Variants in DAB1 observed in about 807,000 individuals in gnomAD.
DAB1 encodes DAB adaptor protein 1.
DAB1 carries 15 observed loss-of-function variants against 64.6 expected under a neutral mutation model. The ratio of observed to expected loss-of-function variants is 0.23; its 90% CI spans 0.16 to 0.36. The LOEUF is 0.36. DAB1 is among the 10% of genes least tolerant of loss of function. The pLI, the probability that DAB1 is intolerant of heterozygous loss-of-function variation, is 1.00. For missense variants in DAB1, 596 were observed against 706.7 expected, an observed-to-expected ratio of 0.84 and a Z score of 1.78; for synonymous variants, 235 against 251.9, an observed-to-expected ratio of 0.93 and a Z score of 0.64.
At chr1:57,970,124 G>A (rs184781206) in intron 5 of DAB1, among the ~76,000 whole-genome samples, 3 of 152,280 alleles carry the variant, frequency 2.0e-5, no homozygotes, top group Admixed American at 6.5e-5. Flanking sequence ...AAATCAGATG[G>A]TGCCTTGATC....
intron 7 of DAB1, among the ~76,000 whole-genome samples, chr1:57,498,765 G>C (rs1231051830): frequency 6.6e-6 from 1 of 152,210 alleles, no homozygotes; most frequent in African/African-American, 2.4e-5. Flanking sequence ...GCTGGTGGGA[G>C]ATGTGAGGGT....
chr1:57,467,135 CT>C (rs1200711099), intron 7 of DAB1, among the ~76,000 whole-genome samples: 7 of 152,216 alleles, frequency 4.6e-5, no homozygotes, highest in African/African-American at 1.7e-4. Flanking sequence ...ACTGAGGAGC[CT>C]TTAAAGATAC....
intron 5 of DAB1, among the ~76,000 whole-genome samples, chr1:58,059,925 C>T (rs1416333672): frequency 6.6e-6 from 1 of 152,214 alleles, no homozygotes; most frequent in East Asian, 1.9e-4. Flanking sequence ...GCAACGATCA[C>T]AGCACTGACA....
At chr1:57,129,355 G>A (rs977975884) in intron 4 of DAB1, among the ~76,000 whole-genome samples, 21 of 151,820 alleles carry the variant, frequency 1.4e-4, no homozygotes, top group Non-Finnish European at 2.9e-5. Context: ...TTAAAATCCC[G>A]TATCATCCAA....
At chr1:58,037,293 C>A (rs1647059215) in intron 5 of DAB1, among the ~76,000 whole-genome samples, 1 of 152,244 alleles carries the variant, frequency 6.6e-6, no homozygotes, top group East Asian at 1.9e-4. Context: ...AATGCTCTTA[C>A]TCCCTTTTTC....
At chr1:57,525,626 A>G (rs1644581776) in intron 7 of DAB1, among the ~76,000 whole-genome samples, 2 of 152,164 alleles carry the variant, frequency 1.3e-5, no homozygotes, top group South Asian at 4.1e-4. Flanking sequence ...AGAAGTGGGG[A>G]TAGTGATAGA....
intron 9 of DAB1, among the ~76,000 whole-genome samples, chr1:57,046,752 T>C (rs1648548367): frequency 6.6e-6 from 1 of 152,244 alleles, no homozygotes; most frequent in East Asian, 1.9e-4. Flanking sequence ...TGATCTGATT[T>C]ATGTCTACCA....
rs1042727034 is a variant in DAB1 at position 57,676,561 on chromosome 1, C to T, written n.552-26896G>A. ...AAGGCCCTTGCCCCTGAGAACTCAA[C>T]CATCTAGCTGGGAAAAGAAGAGGGC... On this transcript the variant is annotated intron_variant and non_coding_transcript_variant, in intron 6 of 20. Coordinates refer to the DAB1 transcript ENST00000485760. 1.3e-4 allele frequency among the ~76,000 whole-genome samples: 20 copies of T among 152,288 alleles called. No homozygotes were observed. The Middle Eastern group carries it at 0.01, about 78-fold the overall frequency.
At chr1:57,471,527 C>T (rs1322645770) in intron 7 of DAB1, among the ~76,000 whole-genome samples, 1 of 152,100 alleles carries the variant, frequency 6.6e-6, no homozygotes, top group Non-Finnish European at 1.5e-5. Flanking sequence ...GCAGGAGGGA[C>T]CTTGTAGGAG....
chr1:58,176,707 C>T (rs4912309), intron 4 of DAB1, among the ~76,000 whole-genome samples: 2,686 of 152,230 alleles, frequency 0.018, 71 homozygotes, highest in South Asian at 0.099. Context: ...CAGCCGGGCG[C>T]GGTGGCTCAC....
intron 7 of DAB1, among the ~76,000 whole-genome samples, chr1:57,458,054 C>G (rs1686661654): frequency 6.6e-6 from 1 of 152,112 alleles, no homozygotes; most frequent in Non-Finnish European, 1.5e-5. Context: ...TTTATCTTGC[C>G]TCCTTAATAA....
At chr1:58,171,716 C>A (rs186811890) in intron 4 of DAB1, among the ~76,000 whole-genome samples, 29 of 152,348 alleles carry the variant, frequency 1.9e-4, no homozygotes, top group African/African-American at 7.0e-4. Context: ...TGGCCAGGCA[C>A]TGGCCCAAGA....
At chr1:58,383,769 C>A (rs755949966) in intron 3 of DAB1, among the ~76,000 whole-genome samples, 8 of 152,280 alleles carry the variant, frequency 5.3e-5, no homozygotes, top group Non-Finnish European at 1.0e-4. Context: ...AATTAATCTT[C>A]CCTTTCATCT....
intron 12 of DAB1, 91 bp downstream of exon 12, chr1:57,014,792 G>A (rs1646370173): frequency 9.5e-7 from 1 of 1,051,568 alleles, no homozygotes; most frequent in Non-Finnish European, 1.4e-6. Context: ...ATTAATGCAA[G>A]TGAGATGAGT....
chr1:58,213,261 CT>C (rs1658659940), intron 4 of DAB1, among the ~76,000 whole-genome samples: 1 of 152,242 alleles, frequency 6.6e-6, no homozygotes, highest in South Asian at 2.1e-4. Flanking sequence ...TCTTTGAGGT[CT>C]ATTCCAATCC....
chr1:58,493,431 A>G (rs1246543335), intron 3 of DAB1, among the ~76,000 whole-genome samples: 3 of 152,090 alleles, frequency 2.0e-5, no homozygotes, highest in Non-Finnish European at 4.4e-5. Context: ...ATCAGGCAAG[A>G]GAAAGAAATA....
intron 2 of DAB1, among the ~76,000 whole-genome samples, chr1:57,181,511 A>G (rs946934016): frequency 2.0e-5 from 3 of 152,324 alleles, no homozygotes; most frequent in East Asian, 1.9e-4. Context: ...GAAGGAATGG[A>G]TTACATGTTT....
intron 2 of DAB1, among the ~76,000 whole-genome samples, chr1:57,203,174 C>T (rs1422533453): frequency 6.6e-6 from 1 of 152,116 alleles, no homozygotes; most frequent in Non-Finnish European, 1.5e-5. Flanking sequence ...AGGATAATTG[C>T]CCCATAATCT....
intron 7 of DAB1, among the ~76,000 whole-genome samples, chr1:57,499,070 G>A (rs1465688140): frequency 6.6e-6 from 1 of 152,130 alleles, no homozygotes; most frequent in Non-Finnish European, 1.5e-5. Context: ...CCGCCTCCCG[G>A]GTTCAAGCGA....
Sources: gnomAD v4.1 joint callset for allele counts (sites outside exome capture counted in the v4.1 genomes callset) on GRCh38, gnomAD v4.1.1 for gene constraint, MANE v1.5 for transcripts, NCBI Gene and HGNC (gene_info 2026-07-23, HGNC 2026-07-21) for gene names.